The following OR9Q1 variants were observed in gnomAD, a reference collection of about 807,000 sequenced individuals.
The protein encoded by OR9Q1 is olfactory receptor 9Q1.
For missense variants in OR9Q1, 374 were observed against 378.8 expected, an observed-to-expected ratio of 0.99 and a Z score of 0.11; for synonymous variants, 153 against 148.6, an observed-to-expected ratio of 1.03 and a Z score of -0.22.
At chr11:58,075,275 C>CTT (rs1853528776) in intron 2 of OR9Q1, 1 of 152,106 alleles carries the variant, frequency 6.6e-6, no homozygotes, top group South Asian at 2.1e-4. Flanking sequence ...TGTCCTCTGT[C>CTT]ATTTCCTTGA....
At chr11:58,112,280 G>C (rs1853909151) in intron 2 of OR9Q1, among the ~76,000 whole-genome samples, 1 of 146,858 alleles carries the variant, frequency 6.8e-6, no homozygotes, top group South Asian at 2.3e-4. Flanking sequence ...GTGACAGAGT[G>C]AGACTTCGTC....
At chr11:58,030,880 C>A (rs1212308004) in intron 1 of OR9Q1, 2 of 916,262 alleles carry the variant, frequency 2.2e-6, no homozygotes, top group African/African-American at 1.7e-5. Context: ...ACAACATCCT[C>A]CAACCTCACA....
intron 2 of OR9Q1, among the ~76,000 whole-genome samples, chr11:58,162,412 G>C (rs1281390476): frequency 6.6e-6 from 1 of 152,182 alleles, no homozygotes; most frequent in Non-Finnish European, 1.5e-5. Context: ...ATGAATCCAT[G>C]CTGCTAAAAT....
intron 2 of OR9Q1, among the ~76,000 whole-genome samples, chr11:58,102,915 G>A (rs532911285): frequency 1.4e-4 from 22 of 151,884 alleles, no homozygotes; most frequent in South Asian, 4.2e-4. Context: ...TTCACTTAGC[G>A]GTGTCCCATA....
chr11:58,132,692 A>T (rs1854153288), intron 2 of OR9Q1, among the ~76,000 whole-genome samples: 1 of 152,204 alleles, frequency 6.6e-6, no homozygotes, highest in Admixed American at 6.5e-5. Context: ...ACACAGAGGT[A>T]TCTCCCTCAT....
Position 58,119,065 on chromosome 11 carries a change from C to T in OR9Q1, c.-14-60366C>T, listed in dbSNP as rs747198304. The stretch of plus-strand genomic sequence containing the variant: ...GGCCACGGTATAGAGCAGTGGGTTG[C>T]GAATGGCAGCATAGCGATCATAGGC... On this transcript the variant is annotated intron_variant, in intron 2 of 2. Transcript: ENST00000335397. 2.5e-5 allele frequency: 41 copies of T among 1,613,798 alleles called. No individual in the cohort carries two copies. Among genetic ancestry groups the T allele is most frequent in the South Asian group, 3.3e-5 (3 of 91,084 alleles).
At chr11:58,101,624 C>T (rs1253164383) in intron 2 of OR9Q1, among the ~76,000 whole-genome samples, 1 of 151,998 alleles carries the variant, frequency 6.6e-6, no homozygotes, top group Non-Finnish European at 1.5e-5. Context: ...CTGTACAGAG[C>T]GTTTTAGTTT....
intron 2 of OR9Q1, among the ~76,000 whole-genome samples, chr11:58,170,866 A>C (rs1854548279): frequency 6.6e-6 from 1 of 152,180 alleles, no homozygotes; most frequent in Non-Finnish European, 1.5e-5. Context: ...GTATGTCTTT[A>C]TCAGCAGCAT....
intron 2 of OR9Q1, among the ~76,000 whole-genome samples, chr11:58,161,507 T>C (rs971445637): frequency 2.0e-5 from 3 of 151,848 alleles, no homozygotes; most frequent in African/African-American, 4.8e-5. Context: ...CATATCCTTA[T>C]AATAAATTTC....
intron 2 of OR9Q1, among the ~76,000 whole-genome samples, chr11:58,174,211 A>G (rs1854581828): frequency 6.6e-6 from 1 of 152,166 alleles, no homozygotes; most frequent in Non-Finnish European, 1.5e-5. Context: ...AAGACTTAAA[A>G]TGTGCTTGTG....
At chr11:58,153,556 C>CTT (rs5792084) in intron 2 of OR9Q1, among the ~76,000 whole-genome samples, 20 of 146,236 alleles carry the variant, frequency 1.4e-4, no homozygotes, top group South Asian at 6.5e-4. Context: ...TGCAAGAAAT[C>CTT]TTTTTTTTTT....
intron 1 of OR9Q1, among the ~76,000 whole-genome samples, chr11:58,042,110 C>G (rs568093590): frequency 6.6e-6 from 1 of 152,292 alleles, no homozygotes; most frequent in South Asian, 2.1e-4. Context: ...TTAAACCGTG[C>G]TACCCTTCTC....
chr11:58,092,030 ATGT>A (rs1853689235), intron 2 of OR9Q1, among the ~76,000 whole-genome samples: 1 of 149,650 alleles, frequency 6.7e-6, no homozygotes, highest in African/African-American at 2.5e-5. Flanking sequence ...TTTTGAGCCT[ATGT>A]GTTTCTTTGC....
intron 1 of OR9Q1, among the ~76,000 whole-genome samples, chr11:58,048,484 C>T (rs1414213158): frequency 8.2e-6 from 1 of 121,580 alleles, no homozygotes; most frequent in African/African-American, 3.1e-5. Flanking sequence ...AACCCCACCT[C>T]TACTAAAAAT....
intron 2 of OR9Q1, among the ~76,000 whole-genome samples, chr11:58,130,014 C>T (rs1440834290): frequency 1.3e-5 from 2 of 151,962 alleles, no homozygotes; most frequent in African/African-American, 4.8e-5. Flanking sequence ...TTTGCCATAC[C>T]CATCAACCCA....
chr11:58,118,376 C>T, intron 2 of OR9Q1: 1 of 660,284 alleles, frequency 1.5e-6, no homozygotes, highest in South Asian at 2.2e-5. Context: ...TCCTGTGTGC[C>T]TGGTGGTACC....
At chr11:58,150,068 G>A (rs527755283) in intron 2 of OR9Q1, among the ~76,000 whole-genome samples, 8 of 152,076 alleles carry the variant, frequency 5.3e-5, no homozygotes, top group Admixed American at 2.0e-4. Flanking sequence ...CAGCTGCACC[G>A]TTTTACATTC....
intron 1 of OR9Q1, among the ~76,000 whole-genome samples, chr11:58,034,666 GT>G (rs925735872): frequency 6.6e-6 from 1 of 151,962 alleles, no homozygotes; most frequent in African/African-American, 2.4e-5. Flanking sequence ...TCAATACTGG[GT>G]CCCAGTGGGA....
intron 1 of OR9Q1, among the ~76,000 whole-genome samples, chr11:58,045,638 A>T (rs1441344303): frequency 3.3e-5 from 5 of 152,180 alleles, no homozygotes; most frequent in African/African-American, 1.2e-4. Context: ...AGTGCTAGTG[A>T]GCTGGGATCA....
Sources: gnomAD v4.1 joint callset for allele counts (sites outside exome capture counted in the v4.1 genomes callset) on GRCh38, gnomAD v4.1.1 for gene constraint, MANE v1.5 for transcripts, NCBI Gene and HGNC (gene_info 2026-07-23, HGNC 2026-07-21) for gene names.